ERC1: variants seen among roughly 807,000 people sequenced by gnomAD.
The protein encoded by ERC1 is RAB6 interacting protein 2.
ERC1 carries 56 observed loss-of-function variants against 132.0 expected under a neutral mutation model. The ratio of observed to expected loss-of-function variants is 0.42; its 90% CI spans 0.34 to 0.53. The LOEUF is 0.53. ERC1 is among the 20% of genes least tolerant of loss of function. The probability of loss-of-function intolerance (pLI) is 0.03; values close to 1 mark genes in which losing one functional copy is unlikely to be tolerated. For synonymous variants in ERC1, 478 were observed against 476.1 expected, an observed-to-expected ratio of 1.00 and a Z score of -0.05; for missense variants, 1,202 against 1,349.9, an observed-to-expected ratio of 0.89 and a Z score of 1.72.
intron 18 of ERC1, among the ~76,000 whole-genome samples, chr12:1,446,789 C>G (rs1232289336): frequency 6.6e-6 from 1 of 152,170 alleles, no homozygotes; most frequent in Non-Finnish European, 1.5e-5. Flanking sequence ...AGGCCAACTT[C>G]TCAAATTTAG....
intron 2 of ERC1, among the ~76,000 whole-genome samples, chr12:1,082,359 T>G (rs1942327732): frequency 6.6e-6 from 1 of 151,240 alleles, no homozygotes; most frequent in Non-Finnish European, 1.5e-5. Context: ...TGGGGTTTTA[T>G]CATGTTGGCC....
At chr12:1,404,295 A>G (rs983815558) in intron 16 of ERC1, among the ~76,000 whole-genome samples, 5 of 151,818 alleles carry the variant, frequency 3.3e-5, no homozygotes, top group Non-Finnish European at 7.4e-5. Context: ...TTATTTATTT[A>G]CTCATCCATT....
At chr12:1,150,460 C>T (rs942135248) in intron 8 of ERC1, among the ~76,000 whole-genome samples, 28 of 150,790 alleles carry the variant, frequency 1.9e-4, no homozygotes. Context: ...AATAGCTAGT[C>T]TAATGTGTTT....
At chr12:1,101,436 G>A (rs968982942) in intron 3 of ERC1, among the ~76,000 whole-genome samples, 2 of 152,232 alleles carry the variant, frequency 1.3e-5, no homozygotes, top group Non-Finnish European at 2.9e-5. Context: ...TCTGCTGTTG[G>A]TGTGTCTGGA....
At chr12:1,200,724 A>G (rs1401272971) in intron 12 of ERC1, among the ~76,000 whole-genome samples, 1 of 151,928 alleles carries the variant, frequency 6.6e-6, no homozygotes, top group African/African-American at 2.4e-5. Context: ...ACAGCCGGCT[A>G]GTTTTTTGTA....
intron 18 of ERC1, among the ~76,000 whole-genome samples, chr12:1,454,053 C>G (rs2093479396): frequency 6.6e-6 from 1 of 152,052 alleles, no homozygotes; most frequent in Non-Finnish European, 1.5e-5. Context: ...AGCCCACACC[C>G]CAGCCTCTAG....
At chr12:1,126,973 T>C (rs10773930) in intron 7 of ERC1, among the ~76,000 whole-genome samples, 89,419 of 128,292 alleles carry the variant, frequency 0.7, 30,507 homozygotes, top group East Asian at 0.89. Flanking sequence ...GGCGACAGAG[T>C]GAGATTCTGT....
At chr12:1,196,974 ATATTTTT>A (rs1360038666) in intron 12 of ERC1, among the ~76,000 whole-genome samples, 2 of 52,134 alleles carry the variant, frequency 3.8e-5, no homozygotes, top group African/African-American at 1.6e-4. Flanking sequence ...ATATATATAT[ATATTTTT>A]TTTTTTTTTT....
intron 8 of ERC1, among the ~76,000 whole-genome samples, chr12:1,142,349 T>A (rs911458434): frequency 2.6e-5 from 4 of 152,234 alleles, no homozygotes; most frequent in Non-Finnish European, 5.9e-5. Context: ...CTAACAGCAT[T>A]GTATGGATAT....
chr12:1,398,693 CAG>C (rs2090749350), intron 16 of ERC1, among the ~76,000 whole-genome samples: 1 of 152,108 alleles, frequency 6.6e-6, no homozygotes, highest in African/African-American at 2.4e-5. Context: ...TTATAAAGAA[CAG>C]AAATTTATTT....
chr12:1,046,928 C>T (rs1046891637), intron 2 of ERC1, among the ~76,000 whole-genome samples: 2 of 152,098 alleles, frequency 1.3e-5, no homozygotes, highest in Non-Finnish European at 2.9e-5. Flanking sequence ...TTCACATTTG[C>T]CGTAGTTGTT....
At chr12:1,159,571 G>A (rs192560490) in intron 8 of ERC1, among the ~76,000 whole-genome samples, 1 of 152,316 alleles carries the variant, frequency 6.6e-6, no homozygotes, top group Admixed American at 6.5e-5. Context: ...TAGTGAATAA[G>A]TCAGATCTTT....
chr12:1,237,649 T>TTA (rs1594443017), intron 13 of ERC1, among the ~76,000 whole-genome samples: 1 of 152,232 alleles, frequency 6.6e-6, no homozygotes, highest in Non-Finnish European at 1.5e-5. Flanking sequence ...ATTGTGTTAC[T>TTA]TACGTAAATG....
intron 1 of ERC1, among the ~76,000 whole-genome samples, chr12:1,025,451 A>G (rs953910060): frequency 3.0e-4 from 46 of 152,142 alleles, no homozygotes; most frequent in Admixed American, 1.4e-3. Flanking sequence ...ATTTTTTGGT[A>G]TAATACTTTG....
intron 14 of ERC1, among the ~76,000 whole-genome samples, chr12:1,281,933 T>C (rs948556079): frequency 6.6e-6 from 1 of 152,054 alleles, no homozygotes; most frequent in Non-Finnish European, 1.5e-5. Flanking sequence ...GCTTTGAAAA[T>C]GTGCATCCAC....
chr12:1,112,642 A>G lies in ERC1; in HGVS notation c.1401+344A>G, dbSNP rs373670834. Among the ~76,000 whole-genome samples, 10 of 152,324 alleles carry G rather than the reference A, an allele frequency of 6.6e-5. No homozygotes were observed. In the East Asian group the frequency reaches 7.7e-4, roughly 12 times the overall value. On this transcript the variant is annotated intron_variant, in intron 6 of 18. Transcript: ENST00000360905. ...CGGCCTTCTTTTCTTCCTAGGTACA[A>G]GAATATATGCAGTTGTTCTAGGCCT...
At chr12:1,201,294 A>G (rs1165764007) in intron 12 of ERC1, among the ~76,000 whole-genome samples, 2 of 152,214 alleles carry the variant, frequency 1.3e-5, no homozygotes, top group East Asian at 3.8e-4. Flanking sequence ...TCAGTAATAT[A>G]AAATACTTTT....
At chr12:1,469,486 G>C (rs1231969937) in intron 18 of ERC1, among the ~76,000 whole-genome samples, 1 of 152,260 alleles carries the variant, frequency 6.6e-6, no homozygotes, top group Non-Finnish European at 1.5e-5. Context: ...CAAAGAAGAA[G>C]GACCTGGCGG....
chr12:1,001,386 T>C (rs547312806), intron 1 of ERC1, among the ~76,000 whole-genome samples: 5 of 152,318 alleles, frequency 3.3e-5, no homozygotes, highest in African/African-American at 1.2e-4. Flanking sequence ...GTAACACATA[T>C]GTAGAAAAGT....
Sources: allele counts gnomAD v4.1 joint callset (sites outside exome capture counted in the v4.1 genomes callset), GRCh38; gene constraint gnomAD v4.1.1; transcripts MANE v1.5; gene names NCBI Gene and HGNC (gene_info 2026-07-23, HGNC 2026-07-21).